The following DYNC1H1 variants were observed in gnomAD, a reference collection of about 807,000 sequenced individuals.
DYNC1H1 encodes the protein cytoplasmic dynein 1 heavy chain 1.
Under a neutral mutation model 527.1 loss-of-function variants are expected in DYNC1H1, and 51 were observed. The observed-to-expected ratio is 0.10, with a 90% CI of 0.08 to 0.12. DYNC1H1 has a LOEUF of 0.12. Among genes scored for constraint, DYNC1H1 ranks in the 10% least tolerant of loss-of-function variants. The pLI is 1.00. For synonymous variants in DYNC1H1, 2,189 were observed against 2,278.8 expected (o/e 0.96, Z 1.12); for missense variants, 2,771 against 5,971.8 (o/e 0.46, Z 17.66).
At chr14:102,040,875 C>G in intron 64 of DYNC1H1, 1 of 647,724 alleles carries the variant, frequency 1.5e-6, no homozygotes, top group Non-Finnish European at 2.7e-6. Context: ...AGGAAGGTCA[C>G]TTGAGCCTGG....
chr14:102,048,795 CTGTG>C, intron 74 of DYNC1H1, 126 bp downstream of exon 74: 1 of 749,656 alleles, frequency 1.3e-6, no homozygotes, highest in Non-Finnish European at 2.0e-6. Flanking sequence ...GAGAGCAGCT[CTGTG>C]CTCTTACCCT....
At chr14:102,026,904 C>A in intron 44 of DYNC1H1, 197 bp downstream of exon 44, 1 of 863,804 alleles carries the variant, frequency 1.2e-6, no homozygotes, top group South Asian at 1.6e-5. Flanking sequence ...TTCATTCTTC[C>A]TCCCCCAGCA....
At position 101,964,820 on chromosome 14, in the gene DYNC1H1, G is replaced by A. The variant is rs781032145; in HGVS notation, c.129G>A (p.Glu43=). 3.1e-6 allele frequency: 5 copies of A among 1,603,094 alleles called. No homozygotes were observed. The South Asian group carries it at 5.6e-5, about 18-fold the overall frequency. ...GCAAGCTGGTGCCGCTGCTGCTGGA[G>A]GACGGCGGCGAGGCGCCGGCCGCGC... The part of the protein sequence containing the change: ...HLRKLVPLLL[E]DGGEAPAALE... The change falls in exon 1 of 78, where the codon GAG becomes GAA. Residue 43 remains glutamate, a synonymous_variant. Coordinates refer to ENST00000360184, the MANE Select transcript of DYNC1H1 (RefSeq NM_001376.5). The surrounding 1 kb of genome is among the most constrained non-coding windows in gnomAD (Gnocchi z 5.5).
chr14:102,011,336 C>T lies in DYNC1H1; in HGVS notation c.6618+384C>T, dbSNP rs1053665350. 8 of 359,158 alleles carry T rather than the reference C, an allele frequency of 2.2e-5. No individual in the cohort carries two copies. The highest frequency in any genetic ancestry group is 9.9e-4 in the Middle Eastern group (1 of 1,006). The allele number at this position is 359,158 out of a possible 1,614,324, so 22.2% of individuals were successfully genotyped here. A position where few individuals can be genotyped will look rare whatever the true frequency, so the allele number is the denominator to read the frequency against. ...GCTTCTTTCCTTCCTCTATGTGATT[C>T]ATTTAAGAAAAAGTTTATTGTTTAC... On this transcript the variant is annotated intron_variant, in intron 32 of 77. Coordinates refer to ENST00000360184, the MANE Select transcript of DYNC1H1 (RefSeq NM_001376.5). This position sits in a 1 kb window ranked among gnomAD's most constrained non-coding sequence, Gnocchi z 5.3.
chr14:102,046,711 C>T (rs527733012), intron 72 of DYNC1H1, among the ~76,000 whole-genome samples: 6 of 152,220 alleles, frequency 3.9e-5, no homozygotes, highest in South Asian at 2.1e-4. Flanking sequence ...GAAAGCCGGC[C>T]GGGGCTTGGC....
intron 2 of DYNC1H1, among the ~76,000 whole-genome samples, chr14:101,977,812 C>G (rs1427978505): frequency 1.3e-5 from 2 of 152,176 alleles, no homozygotes; most frequent in Non-Finnish European, 2.9e-5. Flanking sequence ...GGCAGAAATA[C>G]TATTGTGACT....
chr14:101,975,648 G>A (rs2047792270), intron 1 of DYNC1H1, 64 bp from the exon 2 acceptor site: 3 of 1,424,890 alleles, frequency 2.1e-6, no homozygotes, highest in African/African-American at 2.8e-5. Context: ...CATTGTCTAA[G>A]CAGTTGATAA....
intron 10 of DYNC1H1, among the ~76,000 whole-genome samples, chr14:101,990,088 T>G (rs2047979883): frequency 6.6e-6 from 1 of 152,144 alleles, no homozygotes; most frequent in Non-Finnish European, 1.5e-5. Flanking sequence ...GTACATGCTG[T>G]GGAGTTTGCA....
Position 102,000,034 on chromosome 14 carries a change from G to T in DYNC1H1, c.3850G>T (p.Glu1284Ter). The change falls in exon 17 of 78, where the codon GAG (glutamate) becomes TAG (stop). Residue 1284 changes from glutamate to a stop codon, truncating the protein, a stop_gained. Transcript: ENST00000360184. LOFTEE classifies it high-confidence loss of function. Reference sequence around the variant, plus strand: ...GGCACTTCAGGCTCTCACCATATATGAGGGGAAGTTTGGTAGGCTGAAGGA... The same window carrying T: ...GGCACTTCAGGCTCTCACCATATATTAGGGGAAGTTTGGTAGGCTGAAGGA... The part of the protein sequence containing the change: ...EEALQALTIY[E>*]GKFGRLKDDR... 6.2e-7 allele frequency: 1 copy of T among 1,614,220 alleles called. No individual in the cohort carries two copies. Among genetic ancestry groups the T allele is most frequent in the Non-Finnish European group, 8.5e-7 (1 of 1,180,052 alleles).
At chr14:101,987,228 G>T (rs1031187473) in intron 8 of DYNC1H1, among the ~76,000 whole-genome samples, 9 of 152,238 alleles carry the variant, frequency 5.9e-5, no homozygotes, top group African/African-American at 2.2e-4. Flanking sequence ...CATTGAGTGG[G>T]AGTAAGGGAA....
intron 2 of DYNC1H1, among the ~76,000 whole-genome samples, chr14:101,976,811 T>C (rs1178789070): frequency 6.6e-6 from 1 of 152,028 alleles, no homozygotes; most frequent in Non-Finnish European, 1.5e-5. Flanking sequence ...AGATAGAAAA[T>C]ATTTGCGGGA....
Position 102,027,414 on chromosome 14 carries a change from A to G in DYNC1H1, c.8918A>G (p.Asp2973Gly). ...AGGAAGTACACAGGGGAAGACTTTG[A>G]TGAAGATCTACGGACAGTGTTGAGA... is the stretch of plus-strand genomic sequence containing the variant. ...VHRKYTGEDFDEDLRTVLRRS... is the reference protein window; with the variant it reads ...VHRKYTGEDFGEDLRTVLRRS... The change falls in exon 46 of 78, where the codon GAT (aspartate) becomes GGT (glycine). Residue 2973 changes from aspartate to glycine, a missense_variant. This residue lies in a region of DYNC1H1 where 84 missense variants were observed against 285.4 expected (regional missense o/e 0.29). Coordinates refer to ENST00000360184, the MANE Select transcript of DYNC1H1 (RefSeq NM_001376.5). This position sits in a 1 kb window ranked among gnomAD's most constrained non-coding sequence, Gnocchi z 7.7. 6.2e-7 allele frequency: 1 copy of G among 1,614,162 alleles called. No homozygotes were observed. The highest frequency in any genetic ancestry group is 8.5e-7 in the Non-Finnish European group (1 of 1,180,024).
In DYNC1H1 at chr14:102,016,163, C is replaced by T; in HGVS notation, c.7473+77C>T. The T allele has an allele frequency of 1.3e-6, 2 of 1,533,890 alleles. No homozygotes were observed. The highest frequency in any genetic ancestry group is 2.4e-5 in the East Asian group (1 of 40,966). Reference sequence around the variant, plus strand: ...GTCTGAGGACCTCTGAAATGCTGCACCTGTGGGGATGTGCGCTCTCTCCTA... The same window carrying T: ...GTCTGAGGACCTCTGAAATGCTGCATCTGTGGGGATGTGCGCTCTCTCCTA... On this transcript the variant is annotated intron_variant, in intron 36 of 77. Transcript: ENST00000360184. The surrounding 1 kb of genome is among the most constrained non-coding windows in gnomAD (Gnocchi z 7.3).
At position 102,016,405 on chromosome 14, in the gene DYNC1H1, G is replaced by A; in HGVS notation, c.7530G>A (p.Met2510Ile). Residue 2510 changes from methionine (M) to isoleucine (I), a missense_variant, in exon 37 of 78, where the codon ATG becomes ATA. Coordinates refer to ENST00000360184, the MANE Select transcript of DYNC1H1 (RefSeq NM_001376.5). This position sits in a 1 kb window ranked among gnomAD's most constrained non-coding sequence, Gnocchi z 7.3. ...WSLSGDSRLK[M>I]RAELGEYIRR... ...TGTCTGGAGACAGCCGGCTAAAAAT[G>A]AGAGCAGAGCTGGGTGAATACATCA... The A allele has an allele frequency of 6.2e-7, 1 of 1,614,148 alleles. No homozygotes were observed. The highest frequency in any genetic ancestry group is 8.5e-7 in the Non-Finnish European group (1 of 1,180,032).
rs1312032912 is a variant in DYNC1H1 at position 101,985,067 on chromosome 14, C to A, written c.1462-620C>A. On this transcript the variant is annotated intron_variant, in intron 7 of 77. Coordinates refer to ENST00000360184, the MANE Select transcript of DYNC1H1 (RefSeq NM_001376.5). This position sits in a 1 kb window ranked among gnomAD's most constrained non-coding sequence, Gnocchi z 5.9. ...AGTGCTGGGATTACCATGCCCAGCC[C>A]ATCCAAATCTTTAGTGTTTTCCATC... Among the ~76,000 whole-genome samples, 1 of 151,878 alleles carries A rather than the reference C, an allele frequency of 6.6e-6. No individual in the cohort carries two copies. Among genetic ancestry groups the A allele is most frequent in the South Asian group, 2.1e-4 (1 of 4,800 alleles).
rs1446298826 is a variant in DYNC1H1, at chr14:102,041,716, C to G, written c.12084C>G (p.Thr4028=). The change falls in exon 65 of 78, where the codon ACC becomes ACG. Residue 4028 remains threonine, a synonymous_variant. Transcript: ENST00000360184. The surrounding 1 kb of genome is among the most constrained non-coding windows in gnomAD (Gnocchi z 4.5). The part of the protein sequence containing the change: ...MSIMEQPLDL[T]HIVGTEVKPN... ...TCATGGAGCAGCCGCTCGACCTGACCCACATTGTGGGCACAGAGGTAATGT... is the reference window on the plus strand; with the variant it reads ...TCATGGAGCAGCCGCTCGACCTGACGCACATTGTGGGCACAGAGGTAATGT... The G allele has an allele frequency of 6.2e-7, 1 of 1,614,178 alleles. No homozygotes were observed. The highest frequency in any genetic ancestry group is 8.5e-7 in the Non-Finnish European group (1 of 1,180,044).
At chr14:101,966,939 G>C (rs1223278810) in intron 1 of DYNC1H1, among the ~76,000 whole-genome samples, 1 of 151,944 alleles carries the variant, frequency 6.6e-6, no homozygotes, top group Non-Finnish European at 1.5e-5. Context: ...CCAAATCTTG[G>C]CTCCATAATG....
At chr14:102,006,751 C>T (rs1032484046) in intron 27 of DYNC1H1, among the ~76,000 whole-genome samples, 10 of 151,928 alleles carry the variant, frequency 6.6e-5, no homozygotes, top group African/African-American at 2.2e-4. Context: ...AGGCGCCCAC[C>T]AACATGCCCG....
In DYNC1H1 at chr14:102,023,489, C is replaced by T. The variant is rs932134268; in HGVS notation, c.8637+609C>T. 2.7e-5 allele frequency: 5 copies of T among 188,058 alleles called. 1 individual carries two copies. The South Asian group carries it at 5.2e-4, about 20-fold the overall frequency. 11.6% of individuals were successfully genotyped at this position (188,058 alleles called of 1,614,324 possible). ...TTTGGAACCCGGGAGGCAGAAGTTG[C>T]GGTGAGCTGAGATCGCGCCATTGCA... On this transcript the variant is annotated intron_variant, in intron 43 of 77. Coordinates refer to ENST00000360184, the MANE Select transcript of DYNC1H1 (RefSeq NM_001376.5).
Sources: allele counts gnomAD v4.1 joint callset (sites outside exome capture counted in the v4.1 genomes callset), GRCh38; gene constraint gnomAD v4.1.1; regional missense constraint gnomAD v4.1.1; non-coding constraint Gnocchi (gnomAD v3.1); transcripts MANE v1.5; gene names NCBI Gene and HGNC (gene_info 2026-07-23, HGNC 2026-07-21).